Variants in PCDHGA10 observed in about 807,000 individuals in gnomAD.
PCDHGA10 encodes the protein protocadherin gamma-A10.
In PCDHGA10, 42 loss-of-function variants were observed where a neutral mutation model predicts 59.5. The ratio of observed to expected loss-of-function variants is 0.71; its 90% CI spans 0.55 to 0.91. The LOEUF (loss-of-function observed/expected upper bound fraction) is 0.91, where lower values mean the gene tolerates loss of function less well. Ranked by LOEUF, PCDHGA10 falls within the 40% of genes least tolerant of loss-of-function variation. The pLI is 0.00. For missense variants in PCDHGA10, 1,111 were observed against 1,198.2 expected (o/e 0.93, Z 1.07); for synonymous variants, 511 against 517.2 (o/e 0.99, Z 0.16).
At position 141,511,426 on chromosome 5, in the gene PCDHGA10, G is replaced by C. The variant is rs2099883789; in HGVS notation, c.*253G>C. 2.5e-6 allele frequency: 2 copies of C among 798,652 alleles called. No homozygotes were observed. The highest frequency in any genetic ancestry group is 3.8e-6 in the Non-Finnish European group (2 of 529,972). 49.5% of individuals were successfully genotyped at this position (798,652 alleles called of 1,614,324 possible). ...CAACTGCTGTACCCATGGGGGTAGTGGGGTTACTGTAGACACCAAGAACCA... is the reference window on the plus strand; with the variant it reads ...CAACTGCTGTACCCATGGGGGTAGTCGGGTTACTGTAGACACCAAGAACCA... On this transcript the variant is annotated 3_prime_UTR_variant, in exon 4 of 4. Transcript: ENST00000398610.
intron 1 of PCDHGA10, among the ~76,000 whole-genome samples, chr5:141,437,026 A>G (rs1398960659): frequency 6.6e-6 from 1 of 152,258 alleles, no homozygotes; most frequent in Non-Finnish European, 1.5e-5. Context: ...TCACCAGAAA[A>G]TGGATCACCG....
chr5:141,487,530 T>C lies in PCDHGA10; in HGVS notation c.2437-7277T>C. The stretch of plus-strand genomic sequence containing the variant: ...GCACCCACTCGGAGTGATAGCTTCA[T>C]GATGGTGAAGTCACCCAGTGCACCT... On this transcript the variant is annotated intron_variant, in intron 1 of 3. Coordinates refer to ENST00000398610, the MANE Select transcript of PCDHGA10 (RefSeq NM_018913.3). This position sits in a 1 kb window ranked among gnomAD's most constrained non-coding sequence, Gnocchi z 5.0. The C allele has an allele frequency of 6.2e-7, 1 of 1,614,218 alleles. No individual in the cohort carries two copies. The highest frequency in any genetic ancestry group is 8.5e-7 in the Non-Finnish European group (1 of 1,180,040).
intron 1 of PCDHGA10, chr5:141,419,661 A>G (rs1363084793): frequency 2.5e-6 from 4 of 1,612,714 alleles, no homozygotes; most frequent in East Asian, 2.2e-5. Flanking sequence ...TCGGGGCACA[A>G]TGCCTGGCTG....
Position 141,415,502 on chromosome 5 carries a change from A to AGCCC in PCDHGA10, c.2328_2331dup (p.Asn778AlafsTer14). 1 of 1,614,204 alleles carries AGCCC rather than the reference A, an allele frequency of 6.2e-7. No homozygotes were observed. Among genetic ancestry groups the AGCCC allele is most frequent in the South Asian group, 1.1e-5 (1 of 91,088 alleles). ...CGAAAGAGTCACCTGATCTTCCCCC[A>AGCCC]GCCCAATTATGCGGACACGCTCATC... On this transcript the variant is annotated frameshift_variant, in exon 1 of 4. Transcript: ENST00000398610. LOFTEE classifies it high-confidence loss of function.
chr5:141,414,723 C>A lies in PCDHGA10; in HGVS notation c.1548C>A (p.Gly516=), dbSNP rs775890033. 2 of 1,614,170 alleles carry A rather than the reference C, an allele frequency of 1.2e-6. No individual in the cohort carries two copies. Among genetic ancestry groups the A allele is most frequent in the South Asian group, 2.2e-5 (2 of 91,092 alleles). The part of the protein sequence containing the change: ...SSYISINSDT[G]VLYALRSFDY... ...ACATATCCATCAACTCAGACACTGG[C>A]GTCCTGTATGCACTCAGATCCTTCG... Residue 516 remains glycine, a synonymous_variant, in exon 1 of 4, where the codon GGC becomes GGA. Transcript: ENST00000398610.
In PCDHGA10 at chr5:141,511,116, G is replaced by A. The variant is rs2099883616; in HGVS notation, c.2754G>A (p.Lys918=). Residue 918 remains lysine, a synonymous_variant, in exon 4 of 4, where the codon AAG becomes AAA. Transcript: ENST00000398610. The stretch of plus-strand genomic sequence containing the variant: ...ACGCAGCTGGCAAGCGGGATGGCAA[G>A]GCCCCAGCAGGTGGCAATGGCAACA... ...LTNAAGKRDG[K]APAGGNGNKK... The A allele has an allele frequency of 1.9e-6, 3 of 1,614,234 alleles. No individual in the cohort carries two copies. The highest frequency in any genetic ancestry group is 2.5e-6 in the Non-Finnish European group (3 of 1,180,026).
At position 141,415,593 on chromosome 5, in the gene PCDHGA10, G is replaced by A. The variant is rs201857595; in HGVS notation, c.2418G>A (p.Glu806=). ...TAGATGATTCGAAGTTTCCTATAGA[G>A]GATACCCCATTGGTTCCAGTGAGTT... ...SLLDDSKFPI[E]DTPLVPQAPP... The change falls in exon 1 of 4, where the codon GAG becomes GAA. Residue 806 remains glutamate (E), a synonymous_variant. Transcript: ENST00000398610. The A allele has an allele frequency of 7.6e-5, 122 of 1,613,876 alleles. No homozygotes were observed. In the East Asian group the frequency reaches 2.7e-3, roughly 35 times the overall value.
chr5:141,479,813 T>G (rs543146395), intron 1 of PCDHGA10, among the ~76,000 whole-genome samples: 1 of 152,318 alleles, frequency 6.6e-6, no homozygotes, highest in South Asian at 2.1e-4. Flanking sequence ...TATGCAAGGA[T>G]ACTATCCAAG....
chr5:141,510,239 C>T (rs2099880022), intron 3 of PCDHGA10, among the ~76,000 whole-genome samples: 1 of 150,434 alleles, frequency 6.6e-6, no homozygotes, highest in Non-Finnish European at 1.5e-5. Flanking sequence ...CGCCACTGCA[C>T]TCCAGGCTGG....
intron 1 of PCDHGA10, 129 bp downstream of exon 1, chr5:141,415,740 G>GTTTTTTTTTTTTTTTTTTT (rs57426385): frequency 1.1e-5 from 7 of 625,046 alleles, no homozygotes; most frequent in Admixed American, 7.1e-5. Context: ...GTTTATTAAG[G>GTTTTTTTTTTTTTTTTTTT]TTTTTTTTTT....
chr5:141,491,578 C>G lies in PCDHGA10; in HGVS notation c.2437-3229C>G, dbSNP rs1438933474. ...CCACTGCTACAGGACGTGCTTTTCA[C>G]CGGCCTCGGACGGCAGTGACTTCAC... On this transcript the variant is annotated intron_variant, in intron 1 of 3. Transcript: ENST00000398610. This position sits in a 1 kb window ranked among gnomAD's most constrained non-coding sequence, Gnocchi z 6.9. The G allele has an allele frequency of 1.9e-6, 3 of 1,614,006 alleles. No individual in the cohort carries two copies. Among genetic ancestry groups the G allele is most frequent in the Non-Finnish European group, 2.5e-6 (3 of 1,180,036 alleles).
chr5:141,485,737 C>T lies in PCDHGA10; in HGVS notation c.2437-9070C>T. On this transcript the variant is annotated intron_variant, in intron 1 of 3. Coordinates refer to ENST00000398610, the MANE Select transcript of PCDHGA10 (RefSeq NM_018913.3). The surrounding 1 kb of genome is among the most constrained non-coding windows in gnomAD (Gnocchi z 5.7). ...TGGATGTGAAGAAGCGCAGCGACGGCAGCCTGGTCCCAGAGCTGCTCCTGG... is the reference window on the plus strand; with the variant it reads ...TGGATGTGAAGAAGCGCAGCGACGGTAGCCTGGTCCCAGAGCTGCTCCTGG... 6.2e-7 allele frequency: 1 copy of T among 1,614,222 alleles called. No individual in the cohort carries two copies. Among genetic ancestry groups the T allele is most frequent in the Non-Finnish European group, 8.5e-7 (1 of 1,180,036 alleles).
At position 141,487,791 on chromosome 5, in the gene PCDHGA10, C is replaced by T; in HGVS notation, c.2437-7016C>T. ...CTTTGTAACTGTTTCGTGAATTAAC[C>T]AGAGTTGTCACAGTTTAGCATTGGG... On this transcript the variant is annotated intron_variant, in intron 1 of 3. Coordinates refer to ENST00000398610, the MANE Select transcript of PCDHGA10 (RefSeq NM_018913.3). This position sits in a 1 kb window ranked among gnomAD's most constrained non-coding sequence, Gnocchi z 5.0. 6.6e-7 allele frequency: 1 copy of T among 1,510,152 alleles called. No individual in the cohort carries two copies. The highest frequency in any genetic ancestry group is 1.4e-5 in the African/African-American group (1 of 72,206). The allele number at this position is 1,510,152 out of a possible 1,614,324, so 93.5% of individuals were successfully genotyped here. A position where few individuals can be genotyped will look rare whatever the true frequency, so the allele number is the denominator to read the frequency against.
chr5:141,423,923 G>A (rs2096790975), intron 1 of PCDHGA10: 2 of 1,254,626 alleles, frequency 1.6e-6, no homozygotes, highest in African/African-American at 1.6e-5. Flanking sequence ...CAACTATGCT[G>A]GTTTGGTTTG....
Position 141,476,104 on chromosome 5 carries a change from G to A in PCDHGA10, c.2437-18703G>A. 6.3e-7 allele frequency: 1 copy of A among 1,584,700 alleles called. No homozygotes were observed. Among genetic ancestry groups the A allele is most frequent in the Non-Finnish European group, 8.6e-7 (1 of 1,168,500 alleles). On this transcript the variant is annotated intron_variant, in intron 1 of 3. Coordinates refer to ENST00000398610, the MANE Select transcript of PCDHGA10 (RefSeq NM_018913.3). The surrounding 1 kb of genome is among the most constrained non-coding windows in gnomAD (Gnocchi z 7.6). ...GATCTGGACCCCGCTGAGAGGAACTGCTTTTGAGTGAGATGGTCCCAGAGG... is the reference window on the plus strand; with the variant it reads ...GATCTGGACCCCGCTGAGAGGAACTACTTTTGAGTGAGATGGTCCCAGAGG...
At chr5:141,470,302 C>A (rs996558051) in intron 1 of PCDHGA10, among the ~76,000 whole-genome samples, 5 of 152,188 alleles carry the variant, frequency 3.3e-5, no homozygotes, top group African/African-American at 1.2e-4. Context: ...GTTTTTATTC[C>A]ATTTTTCCTC....
intron 1 of PCDHGA10, among the ~76,000 whole-genome samples, chr5:141,458,596 G>A (rs907922436): frequency 1.8e-4 from 27 of 151,842 alleles, no homozygotes; most frequent in African/African-American, 5.8e-4. Flanking sequence ...TTGGAGACGA[G>A]TCTCACTCTG....
At chr5:141,457,550 A>G (rs1331411755) in intron 1 of PCDHGA10, among the ~76,000 whole-genome samples, 1 of 152,230 alleles carries the variant, frequency 6.6e-6, no homozygotes, top group Non-Finnish European at 1.5e-5. Flanking sequence ...CAAATGTATG[A>G]TAAGCTTTGG....
At chr5:141,504,643 G>A (rs1049421626) in intron 2 of PCDHGA10, among the ~76,000 whole-genome samples, 3 of 124,276 alleles carry the variant, frequency 2.4e-5, no homozygotes, top group African/African-American at 9.0e-5. Flanking sequence ...AAGGTTTGAT[G>A]ATAGAGTGTT....
Sources: gnomAD v4.1 joint callset for allele counts (sites outside exome capture counted in the v4.1 genomes callset) on GRCh38, gnomAD v4.1.1 for gene constraint, Gnocchi (gnomAD v3.1) non-coding constraint, MANE v1.5 for transcripts, NCBI Gene and HGNC (gene_info 2026-07-23, HGNC 2026-07-21) for gene names.